The following RSRC1 variants were observed in gnomAD, a reference collection of about 807,000 sequenced individuals.
RSRC1 encodes arginine and serine rich coiled-coil 1.
Under a neutral mutation model 49.1 loss-of-function variants are expected in RSRC1, and 39 were observed. The observed-to-expected ratio is 0.79, with a 90% CI of 0.61 to 1.04. The LOEUF (loss-of-function observed/expected upper bound fraction) is 1.04. RSRC1 is among the 50% of genes least tolerant of loss of function. The pLI is 0.00. For missense variants in RSRC1, 388 were observed against 402.4 expected, an observed-to-expected ratio of 0.96 and a Z score of 0.31; for synonymous variants, 143 against 130.8, an observed-to-expected ratio of 1.09 and a Z score of -0.63.
At chr3:158,449,696 A>C (rs964925446) in intron 6 of RSRC1, among the ~76,000 whole-genome samples, 4 of 152,040 alleles carry the variant, frequency 2.6e-5, no homozygotes, top group Non-Finnish European at 5.9e-5. Flanking sequence ...ACATATGTAT[A>C]CATGTTTCCT....
intron 4 of RSRC1, among the ~76,000 whole-genome samples, chr3:158,239,323 C>A (rs940922401): frequency 2.6e-5 from 4 of 152,134 alleles, no homozygotes; most frequent in African/African-American, 9.7e-5. Flanking sequence ...GGATCTAGAA[C>A]TAGAAATGCC....
chr3:158,468,686 T>C (rs536290712), intron 7 of RSRC1, among the ~76,000 whole-genome samples: 1 of 152,164 alleles, frequency 6.6e-6, no homozygotes, highest in Non-Finnish European at 1.5e-5. Context: ...ATTATATAAG[T>C]GTTTGTTCTA....
At chr3:158,511,832 G>C (rs935697016) in intron 7 of RSRC1, among the ~76,000 whole-genome samples, 11 of 151,840 alleles carry the variant, frequency 7.2e-5, no homozygotes, top group African/African-American at 2.7e-4. Context: ...GTGTGAGATG[G>C]TATCTCATTG....
At chr3:158,308,244 T>C (rs1401353263) in intron 5 of RSRC1, among the ~76,000 whole-genome samples, 2 of 151,988 alleles carry the variant, frequency 1.3e-5, no homozygotes, top group Admixed American at 6.6e-5. Context: ...TGTTTCCAAT[T>C]GCACCAGTGG....
At chr3:158,443,753 C>G (rs767845897) in intron 6 of RSRC1, among the ~76,000 whole-genome samples, 8 of 152,204 alleles carry the variant, frequency 5.3e-5, no homozygotes, top group Non-Finnish European at 1.2e-4. Context: ...TTTCCCTCAT[C>G]TCAGCTTTTG....
At chr3:158,135,574 C>A (rs1008524854) in intron 3 of RSRC1, among the ~76,000 whole-genome samples, 2 of 152,074 alleles carry the variant, frequency 1.3e-5, no homozygotes, top group African/African-American at 4.8e-5. Context: ...GCCACTGCGC[C>A]CGGCCTATAG....
rs1435636477 is a variant in RSRC1, at chr3:158,539,069, G to A, written c.759+1871G>A. On this transcript the variant is annotated intron_variant, in intron 8 of 9. Coordinates refer to ENST00000611884, the MANE Select transcript of RSRC1 (RefSeq NM_001271838.2). This position sits in a 1 kb window ranked among gnomAD's most constrained non-coding sequence, Gnocchi z 4.1. ...TTGTGGACCCTTTTATCCAGATCATGGAAGGATATGATGGACTATCCCTAA... is the reference window on the plus strand; with the variant it reads ...TTGTGGACCCTTTTATCCAGATCATAGAAGGATATGATGGACTATCCCTAA... Among the ~76,000 whole-genome samples the A allele has an allele frequency of 6.6e-6, 1 of 150,496 alleles. No individual in the cohort carries two copies. The highest frequency in any genetic ancestry group is 2.5e-5 in the African/African-American group (1 of 40,736).
intron 5 of RSRC1, among the ~76,000 whole-genome samples, chr3:158,348,345 TATC>T (rs1336732942): frequency 2.0e-5 from 3 of 152,190 alleles, no homozygotes; most frequent in Non-Finnish European, 2.9e-5. Flanking sequence ...GCTTCTCTCT[TATC>T]ATTAATATAC....
intron 4 of RSRC1, among the ~76,000 whole-genome samples, chr3:158,242,057 T>TTTTTG: frequency 6.9e-6 from 1 of 145,614 alleles, no homozygotes; most frequent in African/African-American, 2.6e-5. Context: ...TTTTTTTTTT[T>TTTTTG]TAGTTTAGGG....
chr3:158,155,446 A>G (rs1378890673), intron 3 of RSRC1, among the ~76,000 whole-genome samples: 2 of 151,688 alleles, frequency 1.3e-5, no homozygotes, highest in African/African-American at 2.4e-5. Context: ...ATTTTATTTT[A>G]TATTTTTAGA....
intron 5 of RSRC1, among the ~76,000 whole-genome samples, chr3:158,301,309 A>G (rs907855058): frequency 2.0e-5 from 3 of 152,136 alleles, no homozygotes; most frequent in African/African-American, 7.2e-5. Context: ...TTGTCTGATG[A>G]TTGCAAAATA....
chr3:158,235,842 G>T (rs747250691), intron 4 of RSRC1, among the ~76,000 whole-genome samples: 1 of 152,206 alleles, frequency 6.6e-6, no homozygotes, highest in Non-Finnish European at 1.5e-5. Flanking sequence ...ACCAGGCCAG[G>T]GGCGGTGGCT....
chr3:158,148,582 T>A (rs1340130997), intron 3 of RSRC1, among the ~76,000 whole-genome samples: 1 of 152,130 alleles, frequency 6.6e-6, no homozygotes, highest in Admixed American at 6.5e-5. Flanking sequence ...CTTTGCCAAG[T>A]TTTGAATGTC....
Position 158,431,357 on chromosome 3 carries a change from A to C in RSRC1, c.584-29578A>C, listed in dbSNP as rs149477819. 7.7e-3 allele frequency among the ~76,000 whole-genome samples: 1,175 copies of C among 152,018 alleles called. 8 individuals carry two copies. The highest frequency in any genetic ancestry group is 0.01 in the Non-Finnish European group (703 of 67,894). On this transcript the variant is annotated intron_variant, in intron 6 of 9. Coordinates refer to ENST00000611884, the MANE Select transcript of RSRC1 (RefSeq NM_001271838.2). ...TATTCCAAATAATAAAAGGCAGCAC[A>C]CTCAAAGAACAAAGCATTTGAAACA...
chr3:158,194,324 A>C (rs1720417879), intron 3 of RSRC1, among the ~76,000 whole-genome samples: 1 of 151,870 alleles, frequency 6.6e-6, no homozygotes, highest in South Asian at 2.1e-4. Flanking sequence ...GGAAAGAAGA[A>C]AAGAAAAGAA....
intron 4 of RSRC1, among the ~76,000 whole-genome samples, chr3:158,273,862 T>C (rs1324162181): frequency 6.6e-6 from 1 of 152,252 alleles, no homozygotes; most frequent in Non-Finnish European, 1.5e-5. Context: ...CTCTCACTCT[T>C]ACTCTCTCAG....
chr3:158,175,533 C>G (rs1234079088), intron 3 of RSRC1, among the ~76,000 whole-genome samples: 1 of 151,816 alleles, frequency 6.6e-6, no homozygotes, highest in Non-Finnish European at 1.5e-5. Context: ...ATTGAAAAGA[C>G]CTTCCTTTTT....
intron 7 of RSRC1, among the ~76,000 whole-genome samples, chr3:158,504,010 A>G (rs1739733958): frequency 1.3e-5 from 2 of 152,144 alleles, no homozygotes; most frequent in Admixed American, 6.5e-5. Flanking sequence ...GGTGTCAGGC[A>G]GGAATGTCCT....
intron 5 of RSRC1, among the ~76,000 whole-genome samples, chr3:158,328,890 T>G (rs1362282033): frequency 6.6e-6 from 1 of 152,236 alleles, no homozygotes; most frequent in African/African-American, 2.4e-5. Flanking sequence ...GACGTAGATT[T>G]TGTCTTTTCA....
Sources: gnomAD v4.1 joint callset for allele counts (sites outside exome capture counted in the v4.1 genomes callset) on GRCh38, gnomAD v4.1.1 for gene constraint, Gnocchi (gnomAD v3.1) non-coding constraint, MANE v1.5 for transcripts, NCBI Gene and HGNC (gene_info 2026-07-23, HGNC 2026-07-21) for gene names.